TAF3: variants seen among roughly 807,000 people sequenced by gnomAD.
TAF3 encodes the protein TATA-box binding protein associated factor 3.
A neutral mutation model predicts 80.6 loss-of-function variants in TAF3; 7 were observed. The ratio of observed to expected loss-of-function variants is 0.09; its 90% CI spans 0.05 to 0.16. The LOEUF (loss-of-function observed/expected upper bound fraction) is 0.16. Ranked by LOEUF, TAF3 falls within the 10% of genes least tolerant of loss-of-function variation. The probability of loss-of-function intolerance (pLI) is 1.00; values close to 1 mark genes in which losing one functional copy is unlikely to be tolerated. For synonymous variants in TAF3, 444 were observed against 446.1 expected, an observed-to-expected ratio of 1.00 and a Z score of 0.06; for missense variants, 921 against 1,140.2, an observed-to-expected ratio of 0.81 and a Z score of 2.77.
In TAF3 at chr10:7,965,752, T is replaced by G. The variant is rs780388820; in HGVS notation, c.2232+10T>G. 1.3e-6 allele frequency: 2 copies of G among 1,520,230 alleles called. No individual in the cohort carries two copies. The highest frequency in any genetic ancestry group is 2.8e-5 in the African/African-American group (2 of 71,568). The allele number at this position is 1,520,230 out of a possible 1,614,324, so 94.2% of individuals were successfully genotyped here. ...ACACAAGCATGAAAAAGTAAGCAGT[T>G]TCTCATTTTTGGCCCTATCTGAACA... On this transcript the variant is annotated intron_variant, in intron 3 of 6. Coordinates refer to ENST00000344293, the MANE Select transcript of TAF3 (RefSeq NM_031923.4).
intron 2 of TAF3, among the ~76,000 whole-genome samples, chr10:7,874,018 G>A (rs922059316): frequency 6.6e-6 from 1 of 152,100 alleles, no homozygotes; most frequent in South Asian, 2.1e-4. Flanking sequence ...AAGTTTTATC[G>A]TTACAGATAA....
At chr10:7,888,367 C>G (rs1837428976) in intron 2 of TAF3, among the ~76,000 whole-genome samples, 1 of 152,070 alleles carries the variant, frequency 6.6e-6, no homozygotes, top group Admixed American at 6.5e-5. Context: ...TGTTTAACTT[C>G]TATTTATTTT....
At chr10:8,010,736 A>G (rs1321327675) in intron 5 of TAF3, among the ~76,000 whole-genome samples, 1 of 152,064 alleles carries the variant, frequency 6.6e-6, no homozygotes, top group Non-Finnish European at 1.5e-5. Flanking sequence ...GTGAAACCCC[A>G]TCTCTACTAA....
intron 2 of TAF3, among the ~76,000 whole-genome samples, chr10:7,900,802 G>A (rs886837556): frequency 1.6e-4 from 24 of 152,092 alleles, no homozygotes; most frequent in South Asian, 8.3e-4. Context: ...TTTAGGCTTC[G>A]TATTAAGAAG....
At chr10:7,840,913 G>A (rs1166118140) in intron 2 of TAF3, among the ~76,000 whole-genome samples, 1 of 151,364 alleles carries the variant, frequency 6.6e-6, no homozygotes, top group African/African-American at 2.4e-5. Context: ...GCAATGGCGT[G>A]ATCTCGGCTC....
At chr10:7,983,730 T>C (rs1484887370) in intron 4 of TAF3, among the ~76,000 whole-genome samples, 1 of 152,094 alleles carries the variant, frequency 6.6e-6, no homozygotes, top group Non-Finnish European at 1.5e-5. Flanking sequence ...TCCCAGCTAC[T>C]TGGGAGGCTG....
chr10:7,967,208 C>T (rs1299389584), intron 3 of TAF3, among the ~76,000 whole-genome samples: 1 of 150,074 alleles, frequency 6.7e-6, no homozygotes, highest in Non-Finnish European at 1.5e-5. Flanking sequence ...GTTAGAGATA[C>T]TGCCTGACAG....
At chr10:7,885,893 A>C (rs1837404488) in intron 2 of TAF3, among the ~76,000 whole-genome samples, 1 of 152,018 alleles carries the variant, frequency 6.6e-6, no homozygotes, top group African/African-American at 2.4e-5. Context: ...AAGTTTGGAG[A>C]ATCCCATTTG....
chr10:7,900,995 T>C (rs1286765767), intron 2 of TAF3, among the ~76,000 whole-genome samples: 1 of 152,306 alleles, frequency 6.6e-6, no homozygotes, highest in Non-Finnish European at 1.5e-5. Flanking sequence ...TTATAATTTC[T>C]TCTGGTGTGC....
At chr10:7,974,506 G>A (rs949057394) in intron 3 of TAF3, among the ~76,000 whole-genome samples, 3 of 152,126 alleles carry the variant, frequency 2.0e-5, no homozygotes, top group African/African-American at 7.2e-5. Flanking sequence ...TCGAAACTGT[G>A]GGCAGGGATG....
intron 2 of TAF3, among the ~76,000 whole-genome samples, chr10:7,930,859 A>G (rs1267671573): frequency 6.6e-6 from 1 of 152,068 alleles, no homozygotes; most frequent in African/African-American, 2.4e-5. Flanking sequence ...GTATATAAAA[A>G]TATAAGGGCT....
rs1366525257 is a variant in TAF3, at chr10:8,009,868, G to T, written c.2568+538G>T. 6.6e-6 allele frequency among the ~76,000 whole-genome samples: 1 copy of T among 151,296 alleles called. No homozygotes were observed. The highest frequency in any genetic ancestry group is 1.5e-5 in the Non-Finnish European group (1 of 67,918). On this transcript the variant is annotated intron_variant, in intron 5 of 6. Coordinates refer to ENST00000344293, the MANE Select transcript of TAF3 (RefSeq NM_031923.4). The surrounding 1 kb of genome is among the most constrained non-coding windows in gnomAD (Gnocchi z 4.1). ...ACTCCTGACCTAAGGTGATCCACCC[G>T]CCTCGGCCTCCCAAAGTGTGGGATT...
rs1363673351 is a variant in TAF3, at chr10:7,963,907, C to T, written c.410-13C>T. ...AATATTTATTTTTTTCTTCCTTTTT[C>T]TTCCTTTACCAGAAGAAGAAGAAGA... is the stretch of plus-strand genomic sequence containing the variant. On this transcript the variant is annotated splice_polypyrimidine_tract_variant and intron_variant, in intron 2 of 6. Coordinates refer to ENST00000344293, the MANE Select transcript of TAF3 (RefSeq NM_031923.4). The T allele has an allele frequency of 7.3e-6, 11 of 1,514,810 alleles. No homozygotes were observed. The highest frequency in any genetic ancestry group is 1.4e-5 in the African/African-American group (1 of 71,156). The allele number at this position is 1,514,810 out of a possible 1,614,324, so 93.8% of individuals were successfully genotyped here.
chr10:7,930,000 A>G (rs1837853656), intron 2 of TAF3, among the ~76,000 whole-genome samples: 1 of 152,180 alleles, frequency 6.6e-6, no homozygotes, highest in African/African-American at 2.4e-5. Flanking sequence ...CCAGGACTTC[A>G]AGACCAGCCT....
intron 2 of TAF3, among the ~76,000 whole-genome samples, chr10:7,942,985 A>C (rs1297918265): frequency 6.6e-6 from 1 of 152,200 alleles, no homozygotes; most frequent in African/African-American, 2.4e-5. Flanking sequence ...TGTCCCATTC[A>C]ACCACAGTCA....
chr10:7,944,140 G>GTGTT, intron 2 of TAF3, among the ~76,000 whole-genome samples: 1 of 141,036 alleles, frequency 7.1e-6, no homozygotes, highest in South Asian at 2.3e-4. Context: ...TGTGTGTTGT[G>GTGTT]GGGGGGAGGG....
chr10:7,904,312 A>T (rs546420139), intron 2 of TAF3, among the ~76,000 whole-genome samples: 1 of 152,302 alleles, frequency 6.6e-6, no homozygotes, highest in Admixed American at 6.5e-5. Context: ...CTAACCAAGC[A>T]AGACTGGTTC....
intron 5 of TAF3, among the ~76,000 whole-genome samples, chr10:8,013,378 G>A (rs1055871835): frequency 1.3e-5 from 2 of 151,580 alleles, no homozygotes; most frequent in South Asian, 2.1e-4. Context: ...CCCTTATAAA[G>A]ACCCAAATCA....
In TAF3 at chr10:7,965,287, A is replaced by G. The variant is rs1831558726; in HGVS notation, c.1777A>G (p.Lys593Glu). Residue 593 changes from lysine to glutamate, a missense_variant, in exon 3 of 7, where the codon AAA (lysine) becomes GAA (glutamate). Physicochemically the swap from Lys to Glu is moderately conservative, Grantham distance 56. Transcript: ENST00000344293. ...EEADPYKFKI[K>E]EFEDVDPKVK... Reference sequence around the variant, plus strand: ...GGCAGATCCCTACAAGTTTAAAATCAAAGAATTTGAAGATGTTGATCCCAA... The same window carrying G: ...GGCAGATCCCTACAAGTTTAAAATCGAAGAATTTGAAGATGTTGATCCCAA... The G allele has an allele frequency of 6.2e-7, 1 of 1,607,354 alleles. No homozygotes were observed. Among genetic ancestry groups the G allele is most frequent in the Admixed American group, 1.7e-5 (1 of 58,498 alleles).
Sources: gnomAD v4.1 joint callset for allele counts (sites outside exome capture counted in the v4.1 genomes callset) on GRCh38, gnomAD v4.1.1 for gene constraint, Gnocchi (gnomAD v3.1) non-coding constraint, MANE v1.5 for transcripts, NCBI Gene and HGNC (gene_info 2026-07-23, HGNC 2026-07-21) for gene names.